LRRIQ3: variants seen among roughly 807,000 people sequenced by gnomAD.
The protein encoded by LRRIQ3 is leucine rich repeats and IQ motif containing 3.
LRRIQ3 carries 75 observed loss-of-function variants against 59.3 expected under a neutral mutation model. That is an observed-to-expected ratio of 1.26 (90% CI 1.05 to 1.53). LRRIQ3 has a LOEUF of 1.53. Among genes scored for constraint, LRRIQ3 ranks in the 40% most tolerant of loss-of-function variants. The pLI, the probability that LRRIQ3 is intolerant of heterozygous loss-of-function variation, is 0.00. For missense variants in LRRIQ3, 831 were observed against 710.0 expected (o/e 1.17, Z -1.94); for synonymous variants, 250 against 231.3 (o/e 1.08, Z -0.73).
intron 3 of LRRIQ3, among the ~76,000 whole-genome samples, chr1:74,168,102 G>T (rs984998608): frequency 3.9e-5 from 6 of 151,930 alleles, no homozygotes; most frequent in Non-Finnish European, 8.8e-5. Flanking sequence ...CATACTATTG[G>T]TTAATAGGGT....
At chr1:74,141,142 A>T (rs1647236815) in intron 4 of LRRIQ3, among the ~76,000 whole-genome samples, 1 of 151,820 alleles carries the variant, frequency 6.6e-6, no homozygotes, top group South Asian at 2.1e-4. Context: ...TACATTCTCA[A>T]CACCTAAAAC....
intron 5 of LRRIQ3, among the ~76,000 whole-genome samples, chr1:74,091,662 C>A (rs906561999): frequency 1.3e-5 from 2 of 151,990 alleles, no homozygotes; most frequent in African/African-American, 4.8e-5. Flanking sequence ...TAAAAAGTAA[C>A]AAACATCCTA....
In LRRIQ3 at chr1:74,119,789, T is replaced by G. The variant is rs540332283; in HGVS notation, c.708-10236A>C. On this transcript the variant is annotated intron_variant, in intron 4 of 7. Transcript: ENST00000354431. ...CTTGTTATTCTGTTCATCTGATTTC[T>G]CTATCCCTGTGCCAATAAAATCATA... 4.6e-5 allele frequency among the ~76,000 whole-genome samples: 7 copies of G among 152,272 alleles called. No homozygotes were observed. The East Asian group carries it at 1.4e-3, about 29-fold the overall frequency.
intron 3 of LRRIQ3, chr1:74,181,830 C>T (rs1439102455): frequency 6.6e-6 from 1 of 151,736 alleles, no homozygotes; most frequent in Admixed American, 6.6e-5. Flanking sequence ...TTTAGATATA[C>T]TCACTGTTCA....
chr1:74,081,717 C>T (rs532842198), intron 5 of LRRIQ3, among the ~76,000 whole-genome samples: 1 of 150,988 alleles, frequency 6.6e-6, no homozygotes, highest in Admixed American at 6.7e-5. Context: ...CTATTCACAA[C>T]CCTATTTTTC....
chr1:74,063,153 A>C (rs1390257474), intron 6 of LRRIQ3, among the ~76,000 whole-genome samples: 1 of 151,898 alleles, frequency 6.6e-6, no homozygotes, highest in South Asian at 2.1e-4. Context: ...AACAACAACA[A>C]AACGAGGAAG....
Position 74,198,075 on chromosome 1 carries a change from G to A in LRRIQ3, c.-80C>T. On this transcript the variant is annotated 5_prime_UTR_variant, in exon 1 of 8. Coordinates refer to ENST00000354431, the MANE Select transcript of LRRIQ3 (RefSeq NM_001105659.2). ...ACACAGTCAGACAAATCGCTGGGCGGCCATCTGCTCCTGAGACCGTTGCTA... is the reference window on the plus strand; with the variant it reads ...ACACAGTCAGACAAATCGCTGGGCGACCATCTGCTCCTGAGACCGTTGCTA... 7.3e-6 allele frequency: 8 copies of A among 1,097,562 alleles called. No homozygotes were observed. The highest frequency in any genetic ancestry group is 7.5e-6 in the Non-Finnish European group (6 of 799,152). The allele number at this position is 1,097,562 out of a possible 1,614,324, so 68.0% of individuals were successfully genotyped here.
Position 74,087,582 on chromosome 1 carries a change from C to T in LRRIQ3, c.868-12792G>A, listed in dbSNP as rs144865194. Among the ~76,000 whole-genome samples the T allele has an allele frequency of 3.5e-3, 526 of 151,658 alleles. 4 individuals are homozygous for T. The highest frequency in any genetic ancestry group is 0.012 in the African/African-American group (495 of 41,360). Reference sequence around the variant, plus strand: ...ATTGCATGTTGAGGTGAAAAAGGCACATAAGAGCATAGAATGTGAAATTTT... The same window carrying T: ...ATTGCATGTTGAGGTGAAAAAGGCATATAAGAGCATAGAATGTGAAATTTT... On this transcript the variant is annotated intron_variant, in intron 5 of 7. Transcript: ENST00000354431.
chr1:74,051,194 G>C (rs1654360462), intron 6 of LRRIQ3, among the ~76,000 whole-genome samples: 1 of 152,192 alleles, frequency 6.6e-6, no homozygotes, highest in African/African-American at 2.4e-5. Flanking sequence ...CACATTAAAT[G>C]TTAACCACCA....
At position 74,041,642 on chromosome 1, in the gene LRRIQ3, T is replaced by G. The variant is rs1277020058; in HGVS notation, c.1289A>C (p.Gln430Pro). Residue 430 changes from glutamine to proline, a missense_variant, in exon 7 of 8, where the codon CAA becomes CCA. Gln to Pro is a moderately conservative substitution (Grantham distance 76). Coordinates refer to ENST00000354431, the MANE Select transcript of LRRIQ3 (RefSeq NM_001105659.2). ...FSDIDKYYTE[Q>P]KKQEYHKEKV... ...TTCTTTATGGTATTCCTGCTTCTTT[T>G]GTTCTGTGTAATATTTGTCAATATC... 1.2e-6 allele frequency: 2 copies of G among 1,613,836 alleles called. No homozygotes were observed. The highest frequency in any genetic ancestry group is 1.7e-6 in the Non-Finnish European group (2 of 1,179,866).
chr1:74,096,203 ATT>A (rs1173381586), intron 5 of LRRIQ3, among the ~76,000 whole-genome samples: 1 of 152,110 alleles, frequency 6.6e-6, no homozygotes, highest in East Asian at 1.9e-4. Flanking sequence ...TAAATCTCTT[ATT>A]GTATCATGTC....
Position 74,183,667 on chromosome 1 carries a change from G to C in LRRIQ3, c.18C>G (p.Val6=). ...CTTCATGACTGGTTAGCTCTTCTGTGACTGTTCCATGAAACATCTAGGAAA... is the reference window on the plus strand; with the variant it reads ...CTTCATGACTGGTTAGCTCTTCTGTCACTGTTCCATGAAACATCTAGGAAA... MFHGT[V]TEELTSHEEW... Residue 6 remains valine, a synonymous_variant, in exon 2 of 8, where the codon GTC becomes GTG. Transcript: ENST00000354431. The C allele has an allele frequency of 1.3e-6, 2 of 1,570,980 alleles. No individual in the cohort carries two copies. Among genetic ancestry groups the C allele is most frequent in the Non-Finnish European group, 1.7e-6 (2 of 1,159,762 alleles).
At chr1:74,055,456 GT>G (rs1014489867) in intron 6 of LRRIQ3, among the ~76,000 whole-genome samples, 11 of 151,886 alleles carry the variant, frequency 7.2e-5, no homozygotes, top group Admixed American at 1.3e-4. Flanking sequence ...TAAAATATGT[GT>G]TTTTTGTGTC....
chr1:74,030,976 G>C (rs1653690576), intron 7 of LRRIQ3, among the ~76,000 whole-genome samples: 2 of 152,132 alleles, frequency 1.3e-5, no homozygotes, highest in African/African-American at 4.8e-5. Flanking sequence ...CTTCTCAAAA[G>C]AAGACATTTA....
intron 3 of LRRIQ3, among the ~76,000 whole-genome samples, chr1:74,177,692 C>G (rs974651580): frequency 6.6e-6 from 1 of 151,370 alleles, no homozygotes; most frequent in Non-Finnish European, 1.5e-5. Flanking sequence ...TTTTAAGGAA[C>G]ATATATTTTA....
At chr1:74,039,046 G>A (rs1359888495) in intron 7 of LRRIQ3, among the ~76,000 whole-genome samples, 1 of 152,130 alleles carries the variant, frequency 6.6e-6, no homozygotes, top group East Asian at 1.9e-4. Context: ...AGAAGCATGT[G>A]CTAAAGTTCT....
At chr1:74,109,315 A>G in intron 5 of LRRIQ3, 79 bp downstream of exon 5, 1 of 1,022,090 alleles carries the variant, frequency 9.8e-7, no homozygotes, top group Non-Finnish European at 1.4e-6. Context: ...GAGACTGAAG[A>G]AATAATAGCG....
At chr1:74,029,200 C>T (rs1557583734) in intron 7 of LRRIQ3, among the ~76,000 whole-genome samples, 2 of 151,986 alleles carry the variant, frequency 1.3e-5, no homozygotes, top group African/African-American at 2.4e-5. Flanking sequence ...ATTGAATACC[C>T]TTTATTTCTT....
At chr1:74,064,232 T>G (rs1451917439) in intron 6 of LRRIQ3, among the ~76,000 whole-genome samples, 3 of 151,946 alleles carry the variant, frequency 2.0e-5, no homozygotes, top group Non-Finnish European at 4.4e-5. Flanking sequence ...TGTTATTATC[T>G]TTTTTATTTA....
Sources: gnomAD v4.1 joint callset for allele counts (sites outside exome capture counted in the v4.1 genomes callset) on GRCh38, gnomAD v4.1.1 for gene constraint, MANE v1.5 for transcripts, NCBI Gene and HGNC (gene_info 2026-07-23, HGNC 2026-07-21) for gene names.